The following RIMS2 variants were observed in gnomAD, a reference collection of about 807,000 sequenced individuals.
RIMS2 encodes the protein regulating synaptic membrane exocytosis protein 2.
A neutral mutation model predicts 174.4 loss-of-function variants in RIMS2; 59 were observed. That is an observed-to-expected ratio of 0.34 (90% CI 0.27 to 0.42). RIMS2 has a LOEUF of 0.42. Among genes scored for constraint, RIMS2 ranks in the 10% least tolerant of loss-of-function variants. RIMS2 has a pLI of 1.00. For missense variants in RIMS2, 1,620 were observed against 1,666.3 expected, an observed-to-expected ratio of 0.97 and a Z score of 0.48; for synonymous variants, 606 against 572.5, an observed-to-expected ratio of 1.06 and a Z score of -0.84.
intron 10 of RIMS2, among the ~76,000 whole-genome samples, chr8:103,922,963 T>C (rs568139518): frequency 1.3e-5 from 2 of 152,118 alleles, no homozygotes; most frequent in Admixed American, 6.5e-5. Flanking sequence ...TTGTAAATGT[T>C]CCACTAAAAT....
intron 1 of RIMS2, among the ~76,000 whole-genome samples, chr8:103,639,637 T>C (rs1323457058): frequency 6.6e-6 from 1 of 151,998 alleles, no homozygotes; most frequent in African/African-American, 2.4e-5. Context: ...TTTCTTTTTA[T>C]TGCTGAGTAG....
chr8:103,649,927 C>T (rs1051088606), intron 1 of RIMS2, among the ~76,000 whole-genome samples: 1 of 152,162 alleles, frequency 6.6e-6, no homozygotes, highest in African/African-American at 2.4e-5. Flanking sequence ...TTTGTCACTT[C>T]AGCCATCTCA....
rs552004993 is a variant in RIMS2, at chr8:103,770,369, A to G, written c.698+3832A>G. On this transcript the variant is annotated intron_variant, in intron 3 of 23. Coordinates refer to ENST00000504942, the Ensembl canonical transcript of RIMS2. ...GGAGGGCGGATCACCTGAGGTCAGG[A>G]GTTCAAGACCAGCATGGCCAACTTG... 9.5e-3 allele frequency among the ~76,000 whole-genome samples: 1,442 copies of G among 152,304 alleles called. 22 individuals are homozygous for G. The highest frequency in any genetic ancestry group is 0.039 in the East Asian group (202 of 5,184).
At chr8:104,046,824 G>A (rs1410217709) in intron 19 of RIMS2, among the ~76,000 whole-genome samples, 1 of 151,942 alleles carries the variant, frequency 6.6e-6, no homozygotes, top group Non-Finnish European at 1.5e-5. Context: ...CAGTCTATAA[G>A]GAGGCACAAA....
rs148688078 is a variant in RIMS2, at chr8:103,734,460, C to CT, written c.388-31754dup. On this transcript the variant is annotated intron_variant, in intron 2 of 23. Coordinates refer to ENST00000504942, the Ensembl canonical transcript of RIMS2. ...ATTTATAATTCTAGGTTGGATGGTTCTTTTTTTTTTTTTAGCACTTTAAAC... is the reference window on the plus strand; with the variant it reads ...ATTTATAATTCTAGGTTGGATGGTTCTTTTTTTTTTTTTTAGCACTTTAAAC... 2.5e-3 allele frequency among the ~76,000 whole-genome samples: 333 copies of CT among 133,754 alleles called. 3 individuals carry two copies. The highest frequency in any genetic ancestry group is 6.6e-3 in the Admixed American group (86 of 13,094). 87.7% of individuals were successfully genotyped at this position (133,754 alleles called of 152,430 possible).
chr8:103,941,404 T>G (rs2082495613), intron 13 of RIMS2, among the ~76,000 whole-genome samples: 1 of 152,082 alleles, frequency 6.6e-6, no homozygotes, highest in East Asian at 1.9e-4. Context: ...GGAGAATTGC[T>G]TTACCCTAGG....
intron 2 of RIMS2, among the ~76,000 whole-genome samples, chr8:103,751,794 G>T (rs914258613): frequency 6.6e-6 from 1 of 151,034 alleles, no homozygotes; most frequent in Non-Finnish European, 1.5e-5. Context: ...TGATGGGGTT[G>T]TTTGTTTTTT....
chr8:104,210,438 C>T (rs2099100218), intron 19 of RIMS2, among the ~76,000 whole-genome samples: 1 of 152,182 alleles, frequency 6.6e-6, no homozygotes, highest in South Asian at 2.1e-4. Flanking sequence ...TTTGGAATTT[C>T]ACTGGCTGTT....
chr8:104,203,490 T>A (rs1428934802), intron 19 of RIMS2, among the ~76,000 whole-genome samples: 2 of 140,830 alleles, frequency 1.4e-5, no homozygotes, highest in Non-Finnish European at 3.0e-5. Context: ...GACTAGACAC[T>A]GTACTTTTTT....
chr8:103,936,641 A>T, exon 13 of RIMS2: 2 of 1,612,480 alleles, frequency 1.2e-6, no homozygotes, highest in Non-Finnish European at 1.7e-6. Context: ...TCCACCGAAG[A>T]GAATTTCGGG....
At chr8:103,615,631 A>G (rs1360543767) in intron 1 of RIMS2, among the ~76,000 whole-genome samples, 4 of 152,100 alleles carry the variant, frequency 2.6e-5, no homozygotes, top group African/African-American at 9.7e-5. Context: ...GCCACTAGCT[A>G]GACTAATAAG....
At chr8:103,609,633 G>C (rs752580120) in intron 1 of RIMS2, among the ~76,000 whole-genome samples, 2 of 152,094 alleles carry the variant, frequency 1.3e-5, no homozygotes, top group Non-Finnish European at 2.9e-5. Flanking sequence ...GCTTGTTTTT[G>C]TCAGCTTTGT....
intron 19 of RIMS2, among the ~76,000 whole-genome samples, chr8:104,091,670 A>G (rs1199389611): frequency 1.3e-5 from 2 of 150,566 alleles, no homozygotes; most frequent in African/African-American, 4.9e-5. Context: ...TTATATAGAC[A>G]GATATAACAT....
intron 1 of RIMS2, among the ~76,000 whole-genome samples, chr8:103,599,545 C>A (rs1392661565): frequency 6.6e-6 from 1 of 151,174 alleles, no homozygotes; most frequent in East Asian, 1.9e-4. Flanking sequence ...CTCAGGTGAT[C>A]CTCCCACCTC....
intron 15 of RIMS2, among the ~76,000 whole-genome samples, chr8:103,971,274 A>C (rs2092839716): frequency 6.6e-6 from 1 of 151,948 alleles, no homozygotes; most frequent in Non-Finnish European, 1.5e-5. Flanking sequence ...TTTATTTTTA[A>C]TCTCCATGTG....
intron 19 of RIMS2, among the ~76,000 whole-genome samples, chr8:104,119,174 G>C (rs1270482707): frequency 2.7e-5 from 4 of 148,788 alleles, no homozygotes; most frequent in Admixed American, 6.7e-5. Context: ...GGTAAACCCC[G>C]TCTCTACTTA....
chr8:103,862,430 C>G (rs951800326), intron 3 of RIMS2, among the ~76,000 whole-genome samples: 5 of 151,466 alleles, frequency 3.3e-5, no homozygotes, highest in Non-Finnish European at 5.9e-5. Context: ...GCTTTCATTT[C>G]CCTTGGATTG....
chr8:103,912,087 A>G (rs1486894407), exon 6 of RIMS2: 1 of 1,603,430 alleles, frequency 6.2e-7, no homozygotes. Context: ...AAAGATGGAG[A>G]TCGTTTAATT....
chr8:103,968,319 G>A (rs1010002761), intron 15 of RIMS2, among the ~76,000 whole-genome samples: 3 of 152,004 alleles, frequency 2.0e-5, no homozygotes, highest in Non-Finnish European at 4.4e-5. Flanking sequence ...GCATGTAAAT[G>A]AGTGACATTT....
Sources: gnomAD v4.1 joint callset for allele counts (sites outside exome capture counted in the v4.1 genomes callset) on GRCh38, gnomAD v4.1.1 for gene constraint, MANE v1.5 for transcripts, NCBI Gene and HGNC (gene_info 2026-07-23, HGNC 2026-07-21) for gene names.